FAM53C: variants seen among roughly 807,000 people sequenced by gnomAD.
FAM53C encodes protein FAM53C.
Under a neutral mutation model 34.7 loss-of-function variants are expected in FAM53C, and 10 were observed. The observed-to-expected ratio is 0.29, with a 90% CI of 0.18 to 0.49. The LOEUF is 0.49. Ranked by LOEUF, FAM53C falls within the 20% of genes least tolerant of loss-of-function variation. The pLI, the probability that FAM53C is intolerant of heterozygous loss-of-function variation, is 0.99. For missense variants in FAM53C, 442 were observed against 515.3 expected (o/e 0.86, Z 1.38); for synonymous variants, 203 against 203.6 (o/e 1.00, Z 0.03).
chr5:138,345,564 C>T lies in FAM53C; in HGVS notation c.876C>T (p.Asp292=), dbSNP rs148937448. 8.9e-5 allele frequency: 143 copies of T among 1,613,604 alleles called. No individual in the cohort carries two copies. In the Middle Eastern group the frequency reaches 1.3e-3, roughly 15 times the overall value. The stretch of plus-strand genomic sequence containing the variant: ...GGGTCAAGCGGCGCCACGAGGAAGA[C>T]CCCCGGCGTCTGCGGCCTTCGTTGG... ...KTGVKRRHEE[D]PRRLRPSLDF... The change falls in exon 4 of 5, where the codon GAC becomes GAT. Residue 292 remains aspartate, a synonymous_variant. Transcript: ENST00000239906. The surrounding 1 kb of genome is among the most constrained non-coding windows in gnomAD (Gnocchi z 6.3).
At chr5:138,346,672 G>A in intron 4 of FAM53C, 30 bp from the exon 5 acceptor site, 1 of 1,613,470 alleles carries the variant, frequency 6.2e-7, no homozygotes, top group Non-Finnish European at 8.5e-7. Flanking sequence ...TTGCCTTCAG[G>A]TGTAACTGTC....
At position 138,341,378 on chromosome 5, in the gene FAM53C, G is replaced by T; in HGVS notation, c.43G>T (p.Asp15Tyr). The change falls in exon 2 of 5, where the codon GAT (aspartate) becomes TAT (tyrosine). Residue 15 changes from aspartate to tyrosine, a missense_variant. By Grantham distance (160) the Asp-to-Tyr change is radical. Coordinates refer to ENST00000239906, the MANE Select transcript of FAM53C (RefSeq NM_016605.3). ...TGAGCAGCTACAGAAGCAGACTCTG[G>T]ATGAGCTGAAATGCACACGCTTCAG... The part of the protein sequence containing the change: ...ITEQLQKQTL[D>Y]ELKCTRFSIS... 1 of 1,614,150 alleles carries T rather than the reference G, an allele frequency of 6.2e-7. No individual in the cohort carries two copies. The highest frequency in any genetic ancestry group is 1.1e-5 in the South Asian group (1 of 91,078).
In FAM53C at chr5:138,345,426, C is replaced by T. The variant is rs1033948721; in HGVS notation, c.738C>T (p.Pro246=). The T allele has an allele frequency of 1.2e-6, 2 of 1,614,028 alleles. No individual in the cohort carries two copies. Among genetic ancestry groups the T allele is most frequent in the Non-Finnish European group, 1.7e-6 (2 of 1,180,034 alleles). ...SLGPQASRFL[P]SARSSPASSP... ...GCCCGCAGGCAAGCCGCTTCTTGCCCTCTGCCCGGAGCTCTCCCGCATCCT... is the reference window on the plus strand; with the variant it reads ...GCCCGCAGGCAAGCCGCTTCTTGCCTTCTGCCCGGAGCTCTCCCGCATCCT... Residue 246 remains proline (P), a synonymous_variant, in exon 4 of 5, where the codon CCC becomes CCT. Coordinates refer to ENST00000239906, the MANE Select transcript of FAM53C (RefSeq NM_016605.3). This position sits in a 1 kb window ranked among gnomAD's most constrained non-coding sequence, Gnocchi z 6.3.
chr5:138,341,918 C>T, intron 3 of FAM53C, 52 bp downstream of exon 3: 1 of 1,567,842 alleles, frequency 6.4e-7, no homozygotes, highest in Non-Finnish European at 8.8e-7. Flanking sequence ...CCTCTCTCCA[C>T]ACATTTCTAT....
At chr5:138,337,944 G>A (rs1398332837), upstream of FAM53C, 3 of 1,288,342 alleles carry the variant, frequency 2.3e-6, no homozygotes, top group Admixed American at 6.9e-5. Flanking sequence ...CAGGGGCGAT[G>A]CCTTTGTTTA....
At position 138,338,283 on chromosome 5, in the gene FAM53C, G is replaced by T; in HGVS notation, c.-177G>T. The stretch of plus-strand genomic sequence containing the variant: ...GAGCGCTCAGAGCTGCTCCGGCCGC[G>T]GCCCTGGGAGCTGGAGGAACCGCGG... On this transcript the variant is annotated 5_prime_UTR_variant, in exon 1 of 5. Transcript: ENST00000239906. The T allele has an allele frequency of 1.2e-6, 1 of 847,996 alleles. No individual in the cohort carries two copies. Among genetic ancestry groups the T allele is most frequent in the Non-Finnish European group, 1.7e-6 (1 of 586,684 alleles). 52.5% of individuals were successfully genotyped at this position (847,996 alleles called of 1,614,324 possible). A position where few individuals can be genotyped will look rare whatever the true frequency, so the allele number is the denominator to read the frequency against.
rs1761199406 is a variant in FAM53C, at chr5:138,347,022, G to A, written c.*63G>A. 30 of 1,603,342 alleles carry A rather than the reference G, an allele frequency of 1.9e-5. No individual in the cohort carries two copies. Among genetic ancestry groups the A allele is most frequent in the Non-Finnish European group, 2.6e-5 (30 of 1,175,926 alleles). ...TCTCTCATGGCTACTAACAAGTGTC[G>A]AGTCCCCAAGGCTGGGGGCCGAGCC... On this transcript the variant is annotated 3_prime_UTR_variant, in exon 5 of 5. Coordinates refer to ENST00000239906, the MANE Select transcript of FAM53C (RefSeq NM_016605.3).
At chr5:138,346,618 C>T (rs566683398) in intron 4 of FAM53C, 84 bp from the exon 5 acceptor site, 111 of 1,518,878 alleles carry the variant, frequency 7.3e-5, no homozygotes, top group Admixed American at 2.3e-4. Context: ...AGTGAGACTC[C>T]GTCTCAAAAA....
chr5:138,344,973 C>T lies in FAM53C; in HGVS notation c.285C>T (p.Val95=), dbSNP rs1317371779. The T allele has an allele frequency of 2.5e-6, 4 of 1,613,944 alleles. No homozygotes were observed. The highest frequency in any genetic ancestry group is 1.3e-5 in the African/African-American group (1 of 74,898). ...CCAAGGAGCAGCCCTTCTCCCAAGT[C>T]CTAAGACCTGAGCCCCCAGATCCAG... is the stretch of plus-strand genomic sequence containing the variant. ...NSPKEQPFSQ[V]LRPEPPDPEK... Residue 95 remains valine, a synonymous_variant, in exon 4 of 5, where the codon GTC becomes GTT. Transcript: ENST00000239906.
At chr5:138,343,381 GCGC>G in intron 3 of FAM53C, among the ~76,000 whole-genome samples, 1 of 151,392 alleles carries the variant, frequency 6.6e-6, no homozygotes, top group Non-Finnish European at 1.5e-5. Flanking sequence ...ATGGTGGCAG[GCGC>G]CTGTAATCCC....
chr5:138,338,256 C>G, upstream of FAM53C: 1 of 1,100,318 alleles, frequency 9.1e-7, no homozygotes. Flanking sequence ...GTGGGGCGAA[C>G]CGAGCGCTCA....
Position 138,345,661 on chromosome 5 carries a change from G to T in FAM53C, c.921+52G>T. The T allele has an allele frequency of 3.9e-6, 6 of 1,555,628 alleles. No individual in the cohort carries two copies. Among genetic ancestry groups the T allele is most frequent in the Non-Finnish European group, 5.2e-6 (6 of 1,148,640 alleles). The stretch of plus-strand genomic sequence containing the variant: ...TAGATGGGAGTGTGGGGACTGTTCT[G>T]TTTCCACTTTTGAGCTAGCCCCTAG... On this transcript the variant is annotated intron_variant, in intron 4 of 4. Transcript: ENST00000239906. This position sits in a 1 kb window ranked among gnomAD's most constrained non-coding sequence, Gnocchi z 6.3.
intron 4 of FAM53C, 26 bp from the exon 5 acceptor site, chr5:138,346,676 A>G (rs548875868): frequency 1.9e-6 from 3 of 1,613,614 alleles, no homozygotes; most frequent in South Asian, 2.2e-5. Context: ...CTTCAGGTGT[A>G]ACTGTCTTCT....
chr5:138,343,890 C>T (rs1261794658), intron 3 of FAM53C: 1 of 152,226 alleles, frequency 6.6e-6, no homozygotes, highest in East Asian at 1.9e-4. Context: ...GAGGGAAGAA[C>T]TATAGACCAA....
In FAM53C at chr5:138,341,385, T is replaced by C; in HGVS notation, c.50T>C (p.Leu17Pro). The C allele has an allele frequency of 6.2e-7, 1 of 1,614,116 alleles. No individual in the cohort carries two copies. Among genetic ancestry groups the C allele is most frequent in the Non-Finnish European group, 8.5e-7 (1 of 1,179,982 alleles). Residue 17 changes from leucine (L) to proline (P), a missense_variant, in exon 2 of 5, where the codon CTG (leucine) becomes CCG (proline). Transcript: ENST00000239906. ...CTACAGAAGCAGACTCTGGATGAGCTGAAATGCACACGCTTCAGCATCAGT... is the reference window on the plus strand; with the variant it reads ...CTACAGAAGCAGACTCTGGATGAGCCGAAATGCACACGCTTCAGCATCAGT... Reference protein sequence around the residue: ...EQLQKQTLDELKCTRFSISLP... With the variant: ...EQLQKQTLDEPKCTRFSISLP...
chr5:138,340,319 T>A (rs1181250808), intron 1 of FAM53C, among the ~76,000 whole-genome samples: 2 of 152,210 alleles, frequency 1.3e-5, no homozygotes, highest in East Asian at 3.8e-4. Context: ...GCTACACACA[T>A]TCTCTGGTAA....
Position 138,341,442 on chromosome 5 carries a change from C to T in FAM53C, c.78+29C>T, listed in dbSNP as rs1256947278. 6 of 1,572,526 alleles carry T rather than the reference C, an allele frequency of 3.8e-6. No individual in the cohort carries two copies. The East Asian group carries it at 6.7e-5, about 18-fold the overall frequency. On this transcript the variant is annotated intron_variant, in intron 2 of 4. Transcript: ENST00000239906. ...AAAGACCAGTCTTCCTGCTTCTCCACGACCCCCTCCCCCTTTTTTCTGAGG... is the reference window on the plus strand; with the variant it reads ...AAAGACCAGTCTTCCTGCTTCTCCATGACCCCCTCCCCCTTTTTTCTGAGG...
In FAM53C at chr5:138,346,766, C is replaced by T; in HGVS notation, c.986C>T (p.Pro329Leu). 1.2e-6 allele frequency: 2 copies of T among 1,614,224 alleles called. No individual in the cohort carries two copies. Among genetic ancestry groups the T allele is most frequent in the Non-Finnish European group, 1.7e-6 (2 of 1,180,052 alleles). ...TAREGSSISP[P>L]WFMACSPPPL... ...CGGGAAGGCAGCAGCATCTCTCCACCATGGTTCATGGCCTGTAGCCCCCCA... is the reference window on the plus strand; with the variant it reads ...CGGGAAGGCAGCAGCATCTCTCCACTATGGTTCATGGCCTGTAGCCCCCCA... The change falls in exon 5 of 5, where the codon CCA (proline) becomes CTA (leucine). Residue 329 changes from proline (P) to leucine (L), a missense_variant. Transcript: ENST00000239906.
chr5:138,338,111 G>C, upstream of FAM53C: 1 of 1,289,790 alleles, frequency 7.8e-7, no homozygotes, highest in Non-Finnish European at 1.0e-6. Flanking sequence ...AGCGCTGTCC[G>C]AGAGACACTT....
Sources: allele counts gnomAD v4.1 joint callset (sites outside exome capture counted in the v4.1 genomes callset), GRCh38; gene constraint gnomAD v4.1.1; non-coding constraint Gnocchi (gnomAD v3.1); transcripts MANE v1.5; gene names NCBI Gene and HGNC (gene_info 2026-07-23, HGNC 2026-07-21).